The following FBLN1 variants were observed in gnomAD, a reference collection of about 807,000 sequenced individuals.
FBLN1 encodes the protein fibulin 1, also known as fibulin-1.
Under a neutral mutation model 89.7 loss-of-function variants are expected in FBLN1, and 34 were observed. The ratio of observed to expected loss-of-function variants is 0.38; its 90% confidence interval spans 0.29 to 0.50. The LOEUF is 0.50. FBLN1 is among the 20% of genes least tolerant of loss of function. The pLI is 0.92. For missense variants in FBLN1, 777 were observed against 988.1 expected, an observed-to-expected ratio of 0.79 and a Z score of 2.86; for synonymous variants, 393 against 391.3, an observed-to-expected ratio of 1.00 and a Z score of -0.05.
At chr22:45,596,083 A>T (rs998407104) in intron 16 of FBLN1, among the ~76,000 whole-genome samples, 1 of 152,144 alleles carries the variant, frequency 6.6e-6, no homozygotes, top group African/African-American at 2.4e-5. Context: ...GTTAGCCAGG[A>T]TGGTCTTGAT....
intron 9 of FBLN1, 135 bp from the exon 10 acceptor site, chr22:45,542,020 T>C (rs1192140993): frequency 7.5e-7 from 1 of 1,339,658 alleles, no homozygotes; most frequent in East Asian, 2.3e-5. Context: ...CAGTAGGTGC[T>C]CTGTGAAGTC....
rs995400060 is a variant in FBLN1 at position 45,563,481 on chromosome 22, C to T, written c.1698-11030C>T. ...CCGAGGGCTGACTGAGGAGCGCTCC[C>T]CACTAGAGGGTGTGTGCTCGGGGGT... On this transcript the variant is annotated intron_variant, in intron 14 of 16. Transcript: ENST00000327858. The surrounding 1 kb of genome is among the most constrained non-coding windows in gnomAD (Gnocchi z 5.7). 3 of 997,590 alleles carry T rather than the reference C, an allele frequency of 3.0e-6. No homozygotes were observed. The African/African-American group carries it at 4.9e-5, about 16-fold the overall frequency. The allele number at this position is 997,590 out of a possible 1,614,324, so 61.8% of individuals were successfully genotyped here.
Position 45,507,970 on chromosome 22 carries a change from G to A in FBLN1, c.79+4906G>A, listed in dbSNP as rs538609505. Among the ~76,000 whole-genome samples, 5 of 152,274 alleles carry A rather than the reference G, an allele frequency of 3.3e-5. 1 individual carries two copies. Among genetic ancestry groups the A allele is most frequent in the African/African-American group, 1.2e-4 (5 of 41,538 alleles). ...AGTGCCATTTCTGAGAGTCACTGAT[G>A]CGTGTGATAGGTTGAGGATGGAAAT... On this transcript the variant is annotated intron_variant, in intron 1 of 16. Coordinates refer to ENST00000327858, the MANE Select transcript of FBLN1 (RefSeq NM_006486.3).
chr22:45,544,242 A>G (rs1163577190), intron 11 of FBLN1, among the ~76,000 whole-genome samples: 1 of 152,196 alleles, frequency 6.6e-6, no homozygotes, highest in African/African-American at 2.4e-5. Flanking sequence ...GCACACCACC[A>G]TGCCCAGCTA....
chr22:45,548,839 A>G (rs2088665714), intron 13 of FBLN1, 95 bp downstream of exon 13: 3 of 1,562,534 alleles, frequency 1.9e-6, no homozygotes, highest in Middle Eastern at 4.5e-4. Context: ...GTGCTTCCCC[A>G]ACCCAAGGGC....
At chr22:45,526,727 G>GGGCTTTC (rs2088333917) in intron 3 of FBLN1, among the ~76,000 whole-genome samples, 1 of 152,214 alleles carries the variant, frequency 6.6e-6, no homozygotes, top group Non-Finnish European at 1.5e-5. Context: ...TGGCCTGTGT[G>GGGCTTTC]GGCTTTCACA....
chr22:45,591,707 A>C (rs1431976099), intron 16 of FBLN1, among the ~76,000 whole-genome samples: 1 of 152,104 alleles, frequency 6.6e-6, no homozygotes, highest in Non-Finnish European at 1.5e-5. Flanking sequence ...TTCTGATGCG[A>C]TTCTCTCTAA....
rs534131552 is a variant in FBLN1, at chr22:45,548,617, C to T, written c.1446C>T (p.Ile482=). The T allele has an allele frequency of 8.1e-6, 13 of 1,613,624 alleles. No individual in the cohort carries two copies. Among genetic ancestry groups the T allele is most frequent in the African/African-American group, 4.0e-5 (3 of 75,046 alleles). The part of the protein sequence containing the change: ...SDVDGVTCED[I]DECALPTGGH... ...AGGTGGGCTTTGCCGTTGCAGACATCGACGAGTGCGCCCTGCCCACCGGGG... is the reference window on the plus strand; with the variant it reads ...AGGTGGGCTTTGCCGTTGCAGACATTGACGAGTGCGCCCTGCCCACCGGGG... Residue 482 remains isoleucine (I), a synonymous_variant, in exon 13 of 17, where the codon ATC becomes ATT. Transcript: ENST00000327858.
rs1338151953 is a variant in FBLN1 at position 45,576,048 on chromosome 22, G to A, written c.1841-929G>A. 6.6e-6 allele frequency among the ~76,000 whole-genome samples: 1 copy of A among 152,188 alleles called. No homozygotes were observed. The highest frequency in any genetic ancestry group is 1.5e-5 in the Non-Finnish European group (1 of 68,032). On this transcript the variant is annotated intron_variant, in intron 15 of 16. Coordinates refer to ENST00000327858, the MANE Select transcript of FBLN1 (RefSeq NM_006486.3). The surrounding 1 kb of genome is among the most constrained non-coding windows in gnomAD (Gnocchi z 5.2). ...ATGACACAACCATGCGGGGGGGTGG[G>A]GGGAGGAGAGGCTCCCTCAGCACGT...
At position 45,532,871 on chromosome 22, in the gene FBLN1, C is replaced by G. The variant is rs136744; in HGVS notation, c.545-192C>G. On this transcript the variant is annotated intron_variant, in intron 5 of 16. Transcript: ENST00000327858. The surrounding 1 kb of genome is among the most constrained non-coding windows in gnomAD (Gnocchi z 4.2). The stretch of plus-strand genomic sequence containing the variant: ...GGGAGGTTGGGACCTGAAGCAGCAG[C>G]CCCTGGGGGGTGTCCAGAGCCAGAG... 288,657 of 626,044 alleles carry G rather than the reference C, an allele frequency of 0.46. 67,616 individuals are homozygous for G. Among genetic ancestry groups the G allele is most frequent in the Middle Eastern group, 0.57 (1,326 of 2,334 alleles). 38.8% of individuals were successfully genotyped at this position (626,044 alleles called of 1,614,324 possible).
rs2088867490 is a variant in FBLN1, at chr22:45,563,042, A to G, written c.1698-11469A>G. On this transcript the variant is annotated intron_variant, in intron 14 of 16. Transcript: ENST00000327858. The surrounding 1 kb of genome is among the most constrained non-coding windows in gnomAD (Gnocchi z 5.7). ...GGTGGTTTTCCGCATGGGCCCCTCC[A>G]GTGCTGTCCCCGGGGACAGCATGCA... 3 of 1,613,310 alleles carry G rather than the reference A, an allele frequency of 1.9e-6. No homozygotes were observed. Among genetic ancestry groups the G allele is most frequent in the East Asian group, 2.2e-5 (1 of 44,816 alleles).
In FBLN1 at chr22:45,562,825, A is replaced by C. The variant is rs2088863878; in HGVS notation, c.1698-11686A>C. 1.5e-6 allele frequency: 2 copies of C among 1,338,484 alleles called. No individual in the cohort carries two copies. Among genetic ancestry groups the C allele is most frequent in the Non-Finnish European group, 2.1e-6 (2 of 941,292 alleles). The allele number at this position is 1,338,484 out of a possible 1,614,324, so 82.9% of individuals were successfully genotyped here. On this transcript the variant is annotated intron_variant, in intron 14 of 16. Transcript: ENST00000327858. This position sits in a 1 kb window ranked among gnomAD's most constrained non-coding sequence, Gnocchi z 7.8. ...GGGGCGGCGGGAGGCCCCGCCTGCCAGCCCCGCATCCCCGCGCTCTGCCGT... is the reference window on the plus strand; with the variant it reads ...GGGGCGGCGGGAGGCCCCGCCTGCCCGCCCCGCATCCCCGCGCTCTGCCGT...
At chr22:45,564,293 T>C (rs538867696) in intron 14 of FBLN1, among the ~76,000 whole-genome samples, 1 of 152,352 alleles carries the variant, frequency 6.6e-6, no homozygotes, top group Non-Finnish European at 1.5e-5. Flanking sequence ...AGCTCATTCT[T>C]TGCTTAGCAG....
rs1014410119 is a variant in FBLN1, at chr22:45,583,056, T to C, written c.1972+5948T>C. Among the ~76,000 whole-genome samples the C allele has an allele frequency of 6.6e-6, 1 of 152,156 alleles. No homozygotes were observed. The highest frequency in any genetic ancestry group is 2.4e-5 in the African/African-American group (1 of 41,444). On this transcript the variant is annotated intron_variant, in intron 16 of 16. Coordinates refer to ENST00000327858, the MANE Select transcript of FBLN1 (RefSeq NM_006486.3). The surrounding 1 kb of genome is among the most constrained non-coding windows in gnomAD (Gnocchi z 4.5). ...GCCCAGATCCCCTTCGCAAGCACCA[T>C]ATGCTGTTAGATCCTCGAGCAGCCT...
intron 16 of FBLN1, among the ~76,000 whole-genome samples, chr22:45,592,375 G>A (rs1435134186): frequency 6.6e-6 from 1 of 152,160 alleles, no homozygotes; most frequent in Non-Finnish European, 1.5e-5. Flanking sequence ...CACCCAGGCT[G>A]GAGTGTGGTG....
chr22:45,509,968 A>C (rs5764760), intron 1 of FBLN1, among the ~76,000 whole-genome samples: 72,910 of 151,394 alleles, frequency 0.48, 17,846 homozygotes, highest in East Asian at 0.79. Context: ...TTCACTTTTA[A>C]AAACTCCTGA....
In FBLN1 at chr22:45,557,025, C is replaced by T. The variant is rs1478346595; in HGVS notation, c.1697+6410C>T. Reference sequence around the variant, plus strand: ...GGCCTTCTGTAGAACTTTGTCCCAGCCCTGCAAAGTACTGTCACCTAGTTG... The same window carrying T: ...GGCCTTCTGTAGAACTTTGTCCCAGTCCTGCAAAGTACTGTCACCTAGTTG... On this transcript the variant is annotated intron_variant, in intron 14 of 16. Coordinates refer to ENST00000327858, the MANE Select transcript of FBLN1 (RefSeq NM_006486.3). This position sits in a 1 kb window ranked among gnomAD's most constrained non-coding sequence, Gnocchi z 4.9. Among the ~76,000 whole-genome samples, 2 of 152,130 alleles carry T rather than the reference C, an allele frequency of 1.3e-5. No individual in the cohort carries two copies. The highest frequency in any genetic ancestry group is 6.5e-5 in the Admixed American group (1 of 15,272).
chr22:45,503,116 C>A, intron 1 of FBLN1, 52 bp downstream of exon 1: 1 of 1,202,468 alleles, frequency 8.3e-7, no homozygotes, highest in Non-Finnish European at 1.0e-6. Context: ...ACCCCCTCGG[C>A]CTCGCGCTCC....
At chr22:45,559,691 G>A (rs576393413) in intron 14 of FBLN1, among the ~76,000 whole-genome samples, 1 of 152,218 alleles carries the variant, frequency 6.6e-6, no homozygotes, top group East Asian at 1.9e-4. Context: ...TTAACTGGAG[G>A]GCCACAATGA....
Sources: gnomAD v4.1 joint callset for allele counts (sites outside exome capture counted in the v4.1 genomes callset) on GRCh38, gnomAD v4.1.1 for gene constraint, Gnocchi (gnomAD v3.1) non-coding constraint, MANE v1.5 for transcripts, NCBI Gene and HGNC (gene_info 2026-07-23, HGNC 2026-07-21) for gene names.